Variants in ADAMTSL1 observed in about 807,000 individuals in gnomAD.
ADAMTSL1 encodes ADAMTS like 1.
A neutral mutation model predicts 201.8 loss-of-function variants in ADAMTSL1; 126 were observed. The observed-to-expected ratio is 0.62, with a 90% CI of 0.54 to 0.72. ADAMTSL1 has a LOEUF of 0.72. ADAMTSL1 is among the 30% of genes least tolerant of loss of function. The pLI is 0.00. For missense variants in ADAMTSL1, 2,679 were observed against 2,277.8 expected (o/e 1.18, Z -3.59); for synonymous variants, 1,121 against 903.4 (o/e 1.24, Z -4.32).
At chr9:18,649,621 C>T (rs530814072) in intron 7 of ADAMTSL1, among the ~76,000 whole-genome samples, 1 of 152,292 alleles carries the variant, frequency 6.6e-6, no homozygotes, top group South Asian at 2.1e-4. Flanking sequence ...GGACCCTCAG[C>T]TGCAGGTCTG....
chr9:18,385,146 T>C (rs1837739312), intron 2 of ADAMTSL1, among the ~76,000 whole-genome samples: 3 of 152,202 alleles, frequency 2.0e-5, no homozygotes, highest in East Asian at 1.9e-4. Flanking sequence ...AATGATGCTA[T>C]TGTGGAGAGT....
At chr9:17,906,807 G>T (rs1825730711) in exon 1 of ADAMTSL1, 1 of 152,152 alleles carries the variant, frequency 6.6e-6, no homozygotes, top group Non-Finnish European at 1.5e-5. Flanking sequence ...TCTCGCCTGA[G>T]ACTCCCCTTG....
intron 2 of ADAMTSL1, among the ~76,000 whole-genome samples, chr9:18,172,116 G>T (rs1020474743): frequency 6.7e-6 from 1 of 149,714 alleles, no homozygotes; most frequent in South Asian, 2.2e-4. Context: ...CATCAAACAC[G>T]GGGGCTTGTC....
chr9:18,115,067 T>A (rs570269877), intron 1 of ADAMTSL1, among the ~76,000 whole-genome samples: 2 of 152,172 alleles, frequency 1.3e-5, no homozygotes, highest in East Asian at 1.9e-4. Context: ...TGCCAGGTTT[T>A]AAAAAAAATG....
chr9:18,719,372 A>G (rs1211278260), intron 14 of ADAMTSL1, among the ~76,000 whole-genome samples: 1 of 151,792 alleles, frequency 6.6e-6, no homozygotes, highest in Non-Finnish European at 1.5e-5. Flanking sequence ...TTTGAGACGG[A>G]GTTTTGCTTT....
In ADAMTSL1 at chr9:18,853,794, G is replaced by A. The variant is rs1173060057; in HGVS notation, c.4249+23817G>A. 9.2e-5 allele frequency among the ~76,000 whole-genome samples: 14 copies of A among 152,182 alleles called. 1 individual carries two copies. Among genetic ancestry groups the A allele is most frequent in the Admixed American group, 7.2e-4 (11 of 15,274 alleles). On this transcript the variant is annotated intron_variant, in intron 23 of 28. Coordinates refer to ENST00000380548, the MANE Select transcript of ADAMTSL1 (RefSeq NM_001040272.6). ...TCTCACTGTTATAATTTTTGCAAAA[G>A]CGATTTCACATGAAGGGGAGGAACA...
chr9:18,224,142 G>A (rs34333685), intron 2 of ADAMTSL1, among the ~76,000 whole-genome samples: 352 of 152,214 alleles, frequency 2.3e-3, no homozygotes, highest in Non-Finnish European at 4.0e-3. Flanking sequence ...TTTGGGCATG[G>A]TCTTGGTCCC....
chr9:18,782,045 G>C (rs1047012569), intron 19 of ADAMTSL1, among the ~76,000 whole-genome samples: 12 of 152,168 alleles, frequency 7.9e-5, no homozygotes, highest in Non-Finnish European at 1.8e-4. Flanking sequence ...TCCTTAGTGT[G>C]TTATGACTGG....
intron 20 of ADAMTSL1, among the ~76,000 whole-genome samples, chr9:18,812,222 G>T (rs781498406): frequency 4.6e-5 from 7 of 152,054 alleles, no homozygotes; most frequent in Non-Finnish European, 1.0e-4. Context: ...TTGGTAGAGG[G>T]ACAGACACAT....
chr9:18,434,085 T>C (rs573804686), intron 2 of ADAMTSL1, among the ~76,000 whole-genome samples: 1 of 152,356 alleles, frequency 6.6e-6, no homozygotes, highest in East Asian at 1.9e-4. Context: ...TCGTAGATCA[T>C]AGCTTCAGCA....
At chr9:18,058,480 G>T (rs1822295738) in intron 1 of ADAMTSL1, among the ~76,000 whole-genome samples, 1 of 151,768 alleles carries the variant, frequency 6.6e-6, no homozygotes, top group East Asian at 1.9e-4. Flanking sequence ...TATACCATTT[G>T]TTACATTTCA....
intron 2 of ADAMTSL1, among the ~76,000 whole-genome samples, chr9:18,406,314 CTTTTCTTTTCTTTTCTTTTCTTT>C (rs1818198355): frequency 6.8e-6 from 1 of 146,724 alleles, no homozygotes; most frequent in Admixed American, 7.1e-5. Context: ...CTTTTCTTTT[CTTTTCTTTTCTTTTCTTTTCTTT>C]TCTTTTTTTG....
In ADAMTSL1 at chr9:18,837,593, C is replaced by G. The variant is rs78134271; in HGVS notation, c.4249+7616C>G. ...CTTTTAAGTGGTTCTTCCCCTACTT[C>G]ACACACATGCCACCAATACGCATTC... On this transcript the variant is annotated intron_variant, in intron 23 of 28. Coordinates refer to ENST00000380548, the MANE Select transcript of ADAMTSL1 (RefSeq NM_001040272.6). 5.5e-3 allele frequency among the ~76,000 whole-genome samples: 832 copies of G among 152,342 alleles called. 10 individuals carry two copies. The highest frequency in any genetic ancestry group is 0.019 in the African/African-American group (775 of 41,578).
intron 2 of ADAMTSL1, among the ~76,000 whole-genome samples, chr9:18,204,118 T>C (rs1325772837): frequency 6.6e-6 from 1 of 152,164 alleles, no homozygotes; most frequent in Non-Finnish European, 1.5e-5. Context: ...TAGCTGCTCT[T>C]TGGACATTTT....
At chr9:18,239,584 GA>G (rs1227809825) in intron 2 of ADAMTSL1, among the ~76,000 whole-genome samples, 1 of 151,600 alleles carries the variant, frequency 6.6e-6, no homozygotes, top group Non-Finnish European at 1.5e-5. Flanking sequence ...ACTGAAAATA[GA>G]AAAAAACAAA....
At chr9:18,438,245 G>A (rs1819837936) in intron 2 of ADAMTSL1, among the ~76,000 whole-genome samples, 1 of 151,828 alleles carries the variant, frequency 6.6e-6, no homozygotes, top group Admixed American at 6.6e-5. Flanking sequence ...AAAAGGATAG[G>A]AATGATAAGA....
chr9:18,469,439 A>G (rs547304004), upstream of ADAMTSL1, among the ~76,000 whole-genome samples: 1 of 152,374 alleles, frequency 6.6e-6, no homozygotes, highest in South Asian at 2.1e-4. Context: ...TTAAGCAGAA[A>G]GTGATGTGTT....
intron 1 of ADAMTSL1, among the ~76,000 whole-genome samples, chr9:18,023,049 A>G (rs139819705): frequency 3.1e-3 from 470 of 152,234 alleles, no homozygotes; most frequent in African/African-American, 0.01. Context: ...ATCCAATGGA[A>G]TGAATGGTTT....
At chr9:18,093,509 C>T (rs1427195165) in intron 1 of ADAMTSL1, among the ~76,000 whole-genome samples, 1 of 152,152 alleles carries the variant, frequency 6.6e-6, no homozygotes, top group Non-Finnish European at 1.5e-5. Context: ...TTCAACTATT[C>T]TTTTAGGTTT....
Sources: gnomAD v4.1 joint callset for allele counts (sites outside exome capture counted in the v4.1 genomes callset) on GRCh38, gnomAD v4.1.1 for gene constraint, MANE v1.5 for transcripts, NCBI Gene and HGNC (gene_info 2026-07-23, HGNC 2026-07-21) for gene names.